Variants in CDH20 observed in about 807,000 individuals in gnomAD.
CDH20 encodes cadherin-20.
CDH20 carries 29 observed loss-of-function variants against 74.2 expected under a neutral mutation model. That is an observed-to-expected ratio of 0.39 (90% CI 0.29 to 0.53). The LOEUF (loss-of-function observed/expected upper bound fraction) is 0.53, where lower values mean the gene tolerates loss of function less well. CDH20 is among the 20% of genes least tolerant of loss of function. The pLI is 0.69. For synonymous variants in CDH20, 469 were observed against 405.4 expected (o/e 1.16, Z -1.88); for missense variants, 988 against 1,048.3 (o/e 0.94, Z 0.79).
intron 1 of CDH20, among the ~76,000 whole-genome samples, chr18:61,378,997 A>G (rs537285149): frequency 3.5e-4 from 53 of 152,300 alleles, no homozygotes; most frequent in Non-Finnish European, 5.7e-4. Flanking sequence ...GTTTTCGTAT[A>G]GTATTAAAGA....
chr18:61,380,146 A>AGG (rs1250280963), intron 1 of CDH20, among the ~76,000 whole-genome samples: 1 of 152,160 alleles, frequency 6.6e-6, no homozygotes, highest in Non-Finnish European at 1.5e-5. Context: ...AACCCCCTGA[A>AGG]GGGGGCTTCA....
intron 9 of CDH20, among the ~76,000 whole-genome samples, chr18:61,541,294 A>G (rs949763668): frequency 1.3e-5 from 2 of 151,144 alleles, no homozygotes; most frequent in Non-Finnish European, 2.9e-5. Flanking sequence ...TAAAATTTAT[A>G]TATATGTAAT....
chr18:61,412,062 A>G lies in CDH20; in HGVS notation c.-153+78235A>G, dbSNP rs374078585. Among the ~76,000 whole-genome samples, 41 of 151,198 alleles carry G rather than the reference A, an allele frequency of 2.7e-4. No individual in the cohort carries two copies. The East Asian group carries it at 5.6e-3, about 21-fold the overall frequency. On this transcript the variant is annotated intron_variant, in intron 1 of 11. Transcript: ENST00000262717. ...AAATGAAGAAAACACATTTATGGCA[A>G]AAAAAAAGCACTATAAGTAAAATTA...
intron 1 of CDH20, among the ~76,000 whole-genome samples, chr18:61,467,808 C>T (rs1455552102): frequency 2.0e-5 from 3 of 152,142 alleles, no homozygotes; most frequent in African/African-American, 7.2e-5. Flanking sequence ...TGCCAAAAAA[C>T]ACAGAAGTAG....
chr18:61,517,321 A>G (rs546069410), intron 6 of CDH20, among the ~76,000 whole-genome samples: 1 of 152,354 alleles, frequency 6.6e-6, no homozygotes, highest in Non-Finnish European at 1.5e-5. Flanking sequence ...GAAAAGCTCC[A>G]GTCTGCAGCT....
chr18:61,396,414 T>A (rs940076159), intron 1 of CDH20, among the ~76,000 whole-genome samples: 1 of 152,178 alleles, frequency 6.6e-6, no homozygotes, highest in African/African-American at 2.4e-5. Flanking sequence ...CCTTTTTTTT[T>A]AAGACCAGTT....
chr18:61,433,552 A>T (rs1204037516), intron 1 of CDH20, among the ~76,000 whole-genome samples: 1 of 152,200 alleles, frequency 6.6e-6, no homozygotes, highest in South Asian at 2.1e-4. Context: ...AAGTAGAAAC[A>T]TGAGGCCAAT....
chr18:61,480,030 AAC>A (rs1377910242), intron 1 of CDH20, among the ~76,000 whole-genome samples: 1 of 152,228 alleles, frequency 6.6e-6, no homozygotes, highest in Non-Finnish European at 1.5e-5. Context: ...GTAGAATAAA[AAC>A]ATTCTAAAAG....
intron 10 of CDH20, among the ~76,000 whole-genome samples, chr18:61,545,538 A>C (rs1249611119): frequency 6.6e-6 from 1 of 152,214 alleles, no homozygotes; most frequent in Non-Finnish European, 1.5e-5. Context: ...AACACTGCAA[A>C]GCACAGAGGC....
intron 1 of CDH20, 109 bp from the exon 2 acceptor site, chr18:61,490,292 TA>T (rs1910907957): frequency 2.5e-6 from 1 of 405,164 alleles, no homozygotes; most frequent in Admixed American, 3.9e-5. Flanking sequence ...TATGACTTTT[TA>T]ACTCATTGAG....
At position 61,554,302 on chromosome 18, in the gene CDH20, C is replaced by A; in HGVS notation, c.2013C>A (p.Gly671=). Residue 671 remains glycine (G), a synonymous_variant, in exon 12 of 12, where the codon GGC becomes GGA. Transcript: ENST00000262717. ...NIVRYDDEGG[G]EEDTEAFDIA... is the part of the protein sequence containing the mutation. ...TCCGCTACGACGACGAGGGCGGCGG[C>A]GAGGAGGACACCGAGGCCTTCGACA... The A allele has an allele frequency of 6.2e-7, 1 of 1,613,866 alleles. No individual in the cohort carries two copies. Among genetic ancestry groups the A allele is most frequent in the Non-Finnish European group, 8.5e-7 (1 of 1,179,990 alleles).
chr18:61,402,690 G>A (rs1433072008), intron 1 of CDH20, among the ~76,000 whole-genome samples: 1 of 152,134 alleles, frequency 6.6e-6, no homozygotes, highest in Non-Finnish European at 1.5e-5. Context: ...AGAAAATTCT[G>A]TTTAAGTCTT....
intron 1 of CDH20, among the ~76,000 whole-genome samples, chr18:61,363,757 A>G (rs1428464775): frequency 6.6e-6 from 1 of 152,226 alleles, no homozygotes; most frequent in East Asian, 1.9e-4. Flanking sequence ...AACAAGAGTC[A>G]GGGAATTCAT....
intron 6 of CDH20, among the ~76,000 whole-genome samples, chr18:61,517,687 C>G (rs1912046826): frequency 1.3e-5 from 1 of 76,964 alleles, no homozygotes; most frequent in East Asian, 3.8e-4. Flanking sequence ...GAACTAGCTG[C>G]AGTTTTTTTT....
At chr18:61,477,701 GAT>G (rs1910441466) in intron 1 of CDH20, among the ~76,000 whole-genome samples, 1 of 152,006 alleles carries the variant, frequency 6.6e-6, no homozygotes. Flanking sequence ...AGCTCCTTAA[GAT>G]CCATCAGTAA....
intron 1 of CDH20, among the ~76,000 whole-genome samples, chr18:61,378,279 C>T (rs577987010): frequency 4.6e-5 from 7 of 152,142 alleles, no homozygotes; most frequent in East Asian, 1.9e-4. Context: ...CAATGGTAGA[C>T]GTGTATCTGA....
chr18:61,334,037 G>T (rs1299538702), intron 1 of CDH20, among the ~76,000 whole-genome samples: 3 of 152,210 alleles, frequency 2.0e-5, no homozygotes, highest in Non-Finnish European at 4.4e-5. Flanking sequence ...TTGGAAATGG[G>T]CTGCCGGGAC....
chr18:61,372,549 G>C (rs1911078567), intron 1 of CDH20, among the ~76,000 whole-genome samples: 1 of 152,056 alleles, frequency 6.6e-6, no homozygotes, highest in Non-Finnish European at 1.5e-5. Flanking sequence ...TCAGTCAACT[G>C]TGGCCCACTG....
intron 1 of CDH20, among the ~76,000 whole-genome samples, chr18:61,344,591 A>G (rs1394523968): frequency 6.6e-6 from 1 of 152,218 alleles, no homozygotes; most frequent in East Asian, 1.9e-4. Flanking sequence ...TTTAAAAATT[A>G]TTTGCTGCTT....
Sources: allele counts gnomAD v4.1 joint callset (sites outside exome capture counted in the v4.1 genomes callset), GRCh38; gene constraint gnomAD v4.1.1; transcripts MANE v1.5; gene names NCBI Gene and HGNC (gene_info 2026-07-23, HGNC 2026-07-21).